EAF2: variants seen among roughly 807,000 people sequenced by gnomAD.
EAF2 encodes ELL-associated factor 2.
A neutral mutation model predicts 29.4 loss-of-function variants in EAF2; 29 were observed. The observed-to-expected ratio is 0.99, with a 90% CI of 0.73 to 1.35. The LOEUF (loss-of-function observed/expected upper bound fraction) is 1.35. Among genes scored for constraint, EAF2 ranks in the 40% most tolerant of loss-of-function variants. The pLI is 0.00. For synonymous variants in EAF2, 103 were observed against 102.5 expected (o/e 1.00, Z -0.03); for missense variants, 292 against 312.0 (o/e 0.94, Z 0.48).
intron 5 of EAF2, among the ~76,000 whole-genome samples, chr3:121,875,020 T>C (rs1709072271): frequency 6.6e-6 from 1 of 151,904 alleles, no homozygotes; most frequent in African/African-American, 2.4e-5. Context: ...GGTATAATAA[T>C]ATAATGAGAA....
At chr3:121,881,716 G>T (rs1709193697) in intron 5 of EAF2, among the ~76,000 whole-genome samples, 1 of 151,918 alleles carries the variant, frequency 6.6e-6, no homozygotes, top group Non-Finnish European at 1.5e-5. Flanking sequence ...TCATTGTGTT[G>T]CCCAGGCTGG....
chr3:121,860,649 GT>G (rs1410349493), intron 4 of EAF2, among the ~76,000 whole-genome samples: 10 of 151,842 alleles, frequency 6.6e-5, no homozygotes, highest in African/African-American at 2.2e-4. Flanking sequence ...TTTTTGAAGG[GT>G]TTTTTGTGTC....
chr3:121,859,159 T>C (rs1471069859), intron 4 of EAF2, among the ~76,000 whole-genome samples: 1 of 152,210 alleles, frequency 6.6e-6, no homozygotes, highest in Non-Finnish European at 1.5e-5. Context: ...GCGGGCTGTT[T>C]TTTGTGTCTG....
chr3:121,877,105 GA>G (rs963380571), intron 5 of EAF2, among the ~76,000 whole-genome samples: 25 of 152,024 alleles, frequency 1.6e-4, no homozygotes, highest in African/African-American at 6.0e-4. Flanking sequence ...TGTACTCCTA[GA>G]GATAAAGGGA....
chr3:121,853,989 A>T (rs547772602), intron 2 of EAF2, among the ~76,000 whole-genome samples: 1 of 152,134 alleles, frequency 6.6e-6, no homozygotes, highest in Non-Finnish European at 1.5e-5. Flanking sequence ...AAAATGCCAG[A>T]TTTTAAAAAT....
At chr3:121,884,092 C>T (rs1279077608) in intron 5 of EAF2, among the ~76,000 whole-genome samples, 1 of 151,942 alleles carries the variant, frequency 6.6e-6, no homozygotes, top group Non-Finnish European at 1.5e-5. Flanking sequence ...AATCTCAGCA[C>T]TTTGGGAGGC....
At chr3:121,848,820 C>A (rs1162989067) in intron 2 of EAF2, among the ~76,000 whole-genome samples, 1 of 151,940 alleles carries the variant, frequency 6.6e-6, no homozygotes, top group African/African-American at 2.4e-5. Flanking sequence ...GCTTCTTGTG[C>A]TTTTCAGTTT....
intron 1 of EAF2, among the ~76,000 whole-genome samples, chr3:121,840,515 A>AAAAAAAAAAAAAAAAACC (rs1167466790): frequency 1.0e-5 from 1 of 97,892 alleles, no homozygotes; most frequent in Non-Finnish European, 2.0e-5. Context: ...AAAAGAAAAA[A>AAAAAAAAAAAAAAAAACC]AAAAAACGGG....
intron 5 of EAF2, among the ~76,000 whole-genome samples, chr3:121,881,232 A>G (rs570535945): frequency 6.6e-6 from 1 of 152,156 alleles, no homozygotes; most frequent in Non-Finnish European, 1.5e-5. Flanking sequence ...TCATAGAATG[A>G]GTTTGGAAGA....
chr3:121,850,010 T>C (rs776346783), intron 2 of EAF2, among the ~76,000 whole-genome samples: 5 of 150,080 alleles, frequency 3.3e-5, no homozygotes, highest in Non-Finnish European at 7.4e-5. Flanking sequence ...TCCTTTTATT[T>C]AGCTGATATT....
intron 2 of EAF2, among the ~76,000 whole-genome samples, chr3:121,850,147 A>G (rs1708605016): frequency 1.3e-5 from 2 of 151,390 alleles, no homozygotes; most frequent in South Asian, 4.2e-4. Context: ...TTATTTTTAA[A>G]CCCAGTTTGG....
intron 2 of EAF2, among the ~76,000 whole-genome samples, chr3:121,849,733 A>G (rs576934670): frequency 4.3e-4 from 66 of 152,128 alleles, no homozygotes; most frequent in Middle Eastern, 3.4e-3. Flanking sequence ...GTTTTCTCCA[A>G]TGGGTTTACT....
chr3:121,839,174 T>A (rs1268702325), intron 1 of EAF2, among the ~76,000 whole-genome samples: 1 of 152,248 alleles, frequency 6.6e-6, no homozygotes, highest in African/African-American at 2.4e-5. Context: ...TTGAGTTAGT[T>A]GCAAATACCT....
At chr3:121,876,833 G>A (rs1709106171) in intron 5 of EAF2, among the ~76,000 whole-genome samples, 1 of 151,876 alleles carries the variant, frequency 6.6e-6, no homozygotes, top group South Asian at 2.1e-4. Flanking sequence ...GTGAAAGAAA[G>A]TGATTGATCA....
intron 4 of EAF2, among the ~76,000 whole-genome samples, chr3:121,862,506 G>A (rs150989249): frequency 5.9e-5 from 9 of 152,136 alleles, no homozygotes; most frequent in Non-Finnish European, 7.4e-5. Flanking sequence ...CTCGTGCCAC[G>A]GTTTTCAGCT....
chr3:121,849,436 T>G (rs1455099493), intron 2 of EAF2, among the ~76,000 whole-genome samples: 1 of 152,164 alleles, frequency 6.6e-6, no homozygotes, highest in Non-Finnish European at 1.5e-5. Flanking sequence ...AAGTGTCGAA[T>G]TTTGAAAGAA....
rs748095862 is a variant in EAF2, at chr3:121,844,548, G to C, written c.201+1G>C. Reference sequence around the variant, plus strand: ...GACCATAACTCTGCCAAATATAGAAGTGAGTATTTCTGTATCTTTAAAGTG... The same window carrying C: ...GACCATAACTCTGCCAAATATAGAACTGAGTATTTCTGTATCTTTAAAGTG... On this transcript the variant is annotated splice_donor_variant, in intron 2 of 5. Coordinates refer to ENST00000273668, the MANE Select transcript of EAF2 (RefSeq NM_018456.6). LOFTEE classifies it high-confidence loss of function. The C allele has an allele frequency of 1.9e-6, 3 of 1,573,912 alleles. No individual in the cohort carries two copies. Among genetic ancestry groups the C allele is most frequent in the South Asian group, 1.1e-5 (1 of 88,336 alleles).
At chr3:121,867,412 A>G (rs976019758) in intron 4 of EAF2, among the ~76,000 whole-genome samples, 2 of 152,206 alleles carry the variant, frequency 1.3e-5, no homozygotes, top group Non-Finnish European at 2.9e-5. Context: ...GAAATGACAT[A>G]TTACCTATGA....
At chr3:121,837,202 T>C (rs1708319379) in intron 1 of EAF2, among the ~76,000 whole-genome samples, 1 of 152,232 alleles carries the variant, frequency 6.6e-6, no homozygotes, top group South Asian at 2.1e-4. Flanking sequence ...GGTGTGGTAA[T>C]GGCACAGAAT....
Sources: gnomAD v4.1 joint callset for allele counts (sites outside exome capture counted in the v4.1 genomes callset) on GRCh38, gnomAD v4.1.1 for gene constraint, MANE v1.5 for transcripts, NCBI Gene and HGNC (gene_info 2026-07-23, HGNC 2026-07-21) for gene names.